Variants in FCHO2 observed in about 807,000 individuals in gnomAD.
The protein encoded by FCHO2 is F-BAR domain only protein 2.
Under a neutral mutation model 114.1 loss-of-function variants are expected in FCHO2, and 43 were observed. That is an observed-to-expected ratio of 0.38 (90% CI 0.30 to 0.49). The LOEUF is 0.49. FCHO2 is among the 20% of genes least tolerant of loss of function. The pLI, the probability that FCHO2 is intolerant of heterozygous loss-of-function variation, is 0.97. For synonymous variants in FCHO2, 293 were observed against 315.2 expected (o/e 0.93, Z 0.75); for missense variants, 807 against 950.4 (o/e 0.85, Z 1.98).
chr5:73,002,772 T>G (rs1301906031), intron 5 of FCHO2, among the ~76,000 whole-genome samples: 1 of 152,192 alleles, frequency 6.6e-6, no homozygotes, highest in Non-Finnish European at 1.5e-5. Context: ...ATGTTATTGT[T>G]TCTGTCTTCA....
chr5:72,990,332 A>T, intron 3 of FCHO2, 146 bp from the exon 4 acceptor site: 1 of 621,764 alleles, frequency 1.6e-6, no homozygotes, highest in Non-Finnish European at 2.6e-6. Context: ...TCAGTCTGTC[A>T]ATCATTTTAT....
At chr5:73,056,180 T>C (rs1757584421) in intron 16 of FCHO2, 73 bp downstream of exon 16, 2 of 1,181,360 alleles carry the variant, frequency 1.7e-6, no homozygotes, top group African/African-American at 1.6e-5. Flanking sequence ...TATGGCAAAA[T>C]TGAATGGAAA....
intron 10 of FCHO2, among the ~76,000 whole-genome samples, chr5:73,039,146 A>G (rs1756678542): frequency 6.6e-6 from 1 of 152,192 alleles, no homozygotes; most frequent in African/African-American, 2.4e-5. Context: ...CTTCTTTCAA[A>G]CTTCTTGGCA....
intron 5 of FCHO2, chr5:72,997,761 A>G: frequency 3.7e-6 from 5 of 1,363,458 alleles, no homozygotes; most frequent in Non-Finnish European, 4.8e-6. Flanking sequence ...TGCCCCTCCA[A>G]CCCCTCTCTG....
rs1190494302 is a variant in FCHO2, at chr5:72,974,079, A to C, written c.125+5490A>C. The stretch of plus-strand genomic sequence containing the variant: ...TGTGGTCTGAGAGATAGTTTGTTAT[A>C]ATTTCTGTTCTTTTACATTTGCTGA... On this transcript the variant is annotated intron_variant, in intron 2 of 25. Coordinates refer to ENST00000430046, the MANE Select transcript of FCHO2 (RefSeq NM_138782.3). 2.7e-5 allele frequency among the ~76,000 whole-genome samples: 4 copies of C among 149,112 alleles called. No homozygotes were observed. In the East Asian group the frequency reaches 7.9e-4, roughly 30 times the overall value.
chr5:72,983,392 A>AT (rs987937721), intron 2 of FCHO2, among the ~76,000 whole-genome samples: 60 of 149,610 alleles, frequency 4.0e-4, no homozygotes, highest in African/African-American at 1.4e-3. Context: ...TTATTTATTT[A>AT]TTTTTTTTGA....
intron 5 of FCHO2, among the ~76,000 whole-genome samples, chr5:73,004,919 A>G (rs1246300849): frequency 6.6e-6 from 1 of 152,250 alleles, no homozygotes; most frequent in African/African-American, 2.4e-5. Context: ...GAAAAAACAT[A>G]GTATATAATA....
rs570263276 is a variant in FCHO2 at position 73,020,529 on chromosome 5, A to G, written c.796+3221A>G. Among the ~76,000 whole-genome samples the G allele has an allele frequency of 2.1e-4, 32 of 152,344 alleles. No individual in the cohort carries two copies. The South Asian group carries it at 5.2e-3, about 25-fold the overall frequency. On this transcript the variant is annotated intron_variant, in intron 8 of 25. Transcript: ENST00000430046. ...CCATTCTGTAATGCCCTGTTTATGC[A>G]TCAAAGGCAGGTTTGTGTTGACAGA...
At chr5:73,004,004 C>A (rs1327999686) in intron 5 of FCHO2, among the ~76,000 whole-genome samples, 2 of 140,052 alleles carry the variant, frequency 1.4e-5, no homozygotes, top group African/African-American at 5.4e-5. Flanking sequence ...GCCAAGATTG[C>A]ACCATTGCAC....
chr5:73,008,791 T>G (rs956904218), intron 6 of FCHO2, among the ~76,000 whole-genome samples: 1 of 152,206 alleles, frequency 6.6e-6, no homozygotes, highest in Non-Finnish European at 1.5e-5. Context: ...GAAATATTAA[T>G]GTGTTTGATA....
In FCHO2 at chr5:73,077,502, A is replaced by G. The variant is rs548097649; in HGVS notation, c.1847+9A>G. 1 of 1,583,436 alleles carries G rather than the reference A, an allele frequency of 6.3e-7. No homozygotes were observed. The highest frequency in any genetic ancestry group is 1.3e-5 in the African/African-American group (1 of 74,438). On this transcript the variant is annotated intron_variant, in intron 21 of 25. Transcript: ENST00000430046. The stretch of plus-strand genomic sequence containing the variant: ...GCACAGCTTGTGTTCAGGTTTGTGT[A>G]CTTTTTGTTTTGAAGGTTGAAATTT...
chr5:73,077,282 C>G, intron 20 of FCHO2, 56 bp from the exon 21 acceptor site: 1 of 1,501,512 alleles, frequency 6.7e-7, no homozygotes. Context: ...AAACCAAATA[C>G]TTTAAATAGA....
intron 11 of FCHO2, among the ~76,000 whole-genome samples, chr5:73,047,338 T>C (rs1757105502): frequency 1.3e-5 from 2 of 152,094 alleles, no homozygotes; most frequent in African/African-American, 4.8e-5. Flanking sequence ...TGTGTCCTTC[T>C]ACCCCATTGC....
intron 16 of FCHO2, among the ~76,000 whole-genome samples, chr5:73,056,415 C>T (rs759416730): frequency 6.6e-6 from 1 of 152,114 alleles, no homozygotes; most frequent in Non-Finnish European, 1.5e-5. Flanking sequence ...ATTTTTGCTG[C>T]CCTGAAAATC....
chr5:73,077,996 C>G (rs1742972273), intron 21 of FCHO2, among the ~76,000 whole-genome samples, 184 bp from the exon 22 acceptor site: 1 of 152,082 alleles, frequency 6.6e-6, no homozygotes, highest in South Asian at 2.1e-4. Context: ...TCTTTTCTCT[C>G]TCTCCATCTT....
In FCHO2 at chr5:73,065,290, A is replaced by T. The variant is rs1758011761; in HGVS notation, c.1449+1346A>T. Among the ~76,000 whole-genome samples, 3 of 151,394 alleles carry T rather than the reference A, an allele frequency of 2.0e-5. No individual in the cohort carries two copies. In the South Asian group the frequency reaches 6.2e-4, roughly 32 times the overall value. On this transcript the variant is annotated intron_variant, in intron 18 of 25. Transcript: ENST00000430046. ...ACTTTGAGTACATTCTAATAAATTG[A>T]TTTTTTTTTCCTGATTGTAAAAACA...
chr5:73,015,655 C>T lies in FCHO2; in HGVS notation c.630C>T (p.Leu210=). The T allele has an allele frequency of 6.3e-7, 1 of 1,577,256 alleles. No homozygotes were observed. Among genetic ancestry groups the T allele is most frequent in the South Asian group, 1.2e-5 (1 of 83,822 alleles). ...TTCAAGATATTGAAGAAACTCATCT[C>T]ATTCACATAAAGGAAATTATAGGAT... The part of the protein sequence containing the change: ...QKFQDIEETH[L]IHIKEIIGSL... Residue 210 remains leucine, a synonymous_variant, in exon 7 of 26, where the codon CTC becomes CTT. Coordinates refer to ENST00000430046, the MANE Select transcript of FCHO2 (RefSeq NM_138782.3).
At chr5:73,023,570 T>A (rs930096464) in intron 8 of FCHO2, among the ~76,000 whole-genome samples, 11 of 152,048 alleles carry the variant, frequency 7.2e-5, no homozygotes, top group Non-Finnish European at 1.3e-4. Context: ...AGTGGTGATG[T>A]GTACCTGTAA....
At chr5:72,971,574 T>G (rs1470834986) in intron 2 of FCHO2, among the ~76,000 whole-genome samples, 1 of 152,184 alleles carries the variant, frequency 6.6e-6, no homozygotes, top group Non-Finnish European at 1.5e-5. Context: ...TAAATTTGTT[T>G]GAGTTCATTG....
Sources: allele counts gnomAD v4.1 joint callset (sites outside exome capture counted in the v4.1 genomes callset), GRCh38; gene constraint gnomAD v4.1.1; transcripts MANE v1.5; gene names NCBI Gene and HGNC (gene_info 2026-07-23, HGNC 2026-07-21).